The following SLC25A17 variants were observed in gnomAD, a reference collection of about 807,000 sequenced individuals.
The protein encoded by SLC25A17 is peroxisomal membrane protein PMP34.
In SLC25A17, 26 loss-of-function variants were observed where a neutral mutation model predicts 38.5. The observed-to-expected ratio is 0.68, with a 90% CI of 0.50 to 0.94. The LOEUF is 0.94. SLC25A17 is among the 40% of genes least tolerant of loss of function. The probability of loss-of-function intolerance (pLI) is 0.00; values close to 1 mark genes in which losing one functional copy is unlikely to be tolerated. For synonymous variants in SLC25A17, 139 were observed against 136.2 expected, an observed-to-expected ratio of 1.02 and a Z score of -0.14; for missense variants, 333 against 372.7, an observed-to-expected ratio of 0.89 and a Z score of 0.88.
At chr22:40,773,090 T>C (rs1446884155) in intron 8 of SLC25A17, among the ~76,000 whole-genome samples, 2 of 152,106 alleles carry the variant, frequency 1.3e-5, no homozygotes, top group African/African-American at 4.8e-5. Flanking sequence ...GAAATGACAA[T>C]AGTTCTTAAC....
intron 5 of SLC25A17, 49 bp from the exon 6 acceptor site, chr22:40,777,422 A>G (rs2057256228): frequency 1.3e-6 from 2 of 1,563,582 alleles, no homozygotes; most frequent in Non-Finnish European, 8.7e-7. Flanking sequence ...CAATCCCCCA[A>G]CTAGAGAAGA....
At chr22:40,814,349 G>A (rs1207612014) in intron 1 of SLC25A17, among the ~76,000 whole-genome samples, 2 of 152,148 alleles carry the variant, frequency 1.3e-5, no homozygotes, top group Non-Finnish European at 2.9e-5. Flanking sequence ...ATGAAACCAG[G>A]ATACTTGTCT....
chr22:40,812,281 A>G (rs556573134), intron 1 of SLC25A17, among the ~76,000 whole-genome samples: 55 of 152,272 alleles, frequency 3.6e-4, no homozygotes, highest in African/African-American at 1.3e-3. Flanking sequence ...ATTCTGGGCT[A>G]TATCTCTCCT....
chr22:40,774,806 A>C (rs1172212593), intron 7 of SLC25A17, among the ~76,000 whole-genome samples: 1 of 152,248 alleles, frequency 6.6e-6, no homozygotes, highest in Non-Finnish European at 1.5e-5. Context: ...ATAATATATT[A>C]GTAAAAATGC....
intron 7 of SLC25A17, among the ~76,000 whole-genome samples, chr22:40,774,264 C>T (rs955153443): frequency 6.7e-6 from 1 of 150,282 alleles, no homozygotes; most frequent in African/African-American, 2.5e-5. Context: ...CACTCTGTCA[C>T]CCAGGCTGGA....
intron 1 of SLC25A17, among the ~76,000 whole-genome samples, chr22:40,800,186 G>GA (rs1038373163): frequency 2.0e-5 from 3 of 151,480 alleles, no homozygotes; most frequent in African/African-American, 4.9e-5. Context: ...AATTATCAAT[G>GA]AAAAAAAACA....
rs752841323 is a variant in SLC25A17 at position 40,774,030 on chromosome 22, A to T, written c.694-11T>A. On this transcript the variant is annotated splice_polypyrimidine_tract_variant and intron_variant, in intron 7 of 8. Transcript: ENST00000435456. ...TCTATGACGCCCAAACTGAGGAAAG[A>T]GGGAAAAAAAACAAAAGTACTGTTG... 8.2e-6 allele frequency: 13 copies of T among 1,594,050 alleles called. No individual in the cohort carries two copies. Among genetic ancestry groups the T allele is most frequent in the Non-Finnish European group, 3.4e-6 (4 of 1,162,586 alleles).
intron 1 of SLC25A17, among the ~76,000 whole-genome samples, chr22:40,808,858 A>G (rs79619619): frequency 1.3e-5 from 2 of 152,218 alleles, no homozygotes; most frequent in Non-Finnish European, 2.9e-5. Context: ...AAATAATAAA[A>G]TGCTATTTGC....
Position 40,770,322 on chromosome 22 carries a change from A to C in SLC25A17, c.*512T>G, listed in dbSNP as rs1468018626. ...AAAAGACACCTCTCCTTAAGCAGGG[A>C]AAAAAAAGCCCAACAAAAATAAAGT... On this transcript the variant is annotated 3_prime_UTR_variant, in exon 9 of 9. Coordinates refer to ENST00000435456, the MANE Select transcript of SLC25A17 (RefSeq NM_006358.4). 7 of 152,040 alleles carry C rather than the reference A, an allele frequency of 4.6e-5. No homozygotes were observed. Among genetic ancestry groups the C allele is most frequent in the Non-Finnish European group, 1.0e-4 (7 of 67,990 alleles). The allele number at this position is 152,040 out of a possible 1,614,324, so 9.4% of individuals were successfully genotyped here. A position where few individuals can be genotyped will look rare whatever the true frequency, so the allele number is the denominator to read the frequency against.
chr22:40,818,336 C>T (rs940368943), intron 1 of SLC25A17, among the ~76,000 whole-genome samples: 1 of 152,068 alleles, frequency 6.6e-6, no homozygotes, highest in African/African-American at 2.4e-5. Context: ...TCAAGTGGAA[C>T]CTAGACACCA....
intron 1 of SLC25A17, among the ~76,000 whole-genome samples, chr22:40,799,867 G>T (rs1271041718): frequency 6.6e-6 from 1 of 152,094 alleles, no homozygotes; most frequent in Non-Finnish European, 1.5e-5. Context: ...ACATTTCCCT[G>T]CATATGACAA....
rs895985542 is a variant in SLC25A17, at chr22:40,775,989, C to T, written c.693+1051G>A. Among the ~76,000 whole-genome samples the T allele has an allele frequency of 6.6e-5, 10 of 152,196 alleles. No homozygotes were observed. The East Asian group carries it at 1.3e-3, about 21-fold the overall frequency. On this transcript the variant is annotated intron_variant, in intron 7 of 8. Transcript: ENST00000435456. The stretch of plus-strand genomic sequence containing the variant: ...GACTAACACACACATCATGCTCCCC[C>T]TGCCTGGAATGCACTTTCGTCCACT...
At chr22:40,793,679 C>T (rs1256977569) in intron 3 of SLC25A17, among the ~76,000 whole-genome samples, 1 of 151,566 alleles carries the variant, frequency 6.6e-6, no homozygotes, top group Non-Finnish European at 1.5e-5. Context: ...ATGGCGCGAT[C>T]TCGGCTCACC....
rs2057254111 is a variant in SLC25A17, at chr22:40,777,291, A to C, written c.534T>G (p.Asn178Lys). The C allele has an allele frequency of 6.2e-7, 1 of 1,614,196 alleles. No homozygotes were observed. Among genetic ancestry groups the C allele is most frequent in the African/African-American group, 1.3e-5 (1 of 75,054 alleles). ...CATAAAACATGAACTGGATGGCAGG[A>C]TTGAAGACCAACAGCAATGAGGGAA... ...GTFPSLLLVF[N>K]PAIQFMFYEG... The change falls in exon 6 of 9, where the codon AAT becomes AAG. Residue 178 changes from asparagine to lysine, a missense_variant. Asn to Lys is a moderately conservative substitution (Grantham distance 94). Coordinates refer to ENST00000435456, the MANE Select transcript of SLC25A17 (RefSeq NM_006358.4).
At chr22:40,799,118 A>G (rs1347553132) in intron 1 of SLC25A17, 35 bp from the exon 2 acceptor site, 1 of 1,572,532 alleles carries the variant, frequency 6.4e-7, no homozygotes, top group Non-Finnish European at 8.7e-7. Flanking sequence ...ACAGCATCAC[A>G]AACATAGTTT....
intron 5 of SLC25A17, among the ~76,000 whole-genome samples, chr22:40,777,826 G>T (rs572885470): frequency 3.8e-4 from 57 of 151,990 alleles, no homozygotes; most frequent in South Asian, 1.7e-3. Context: ...TGATAGTTTG[G>T]GGTCAAGTTT....
chr22:40,794,973 A>C (rs1427747586), intron 2 of SLC25A17, among the ~76,000 whole-genome samples: 3 of 151,368 alleles, frequency 2.0e-5, no homozygotes, highest in Admixed American at 6.6e-5. Flanking sequence ...GGCTGGTCTC[A>C]AACTTGTGGG....
At chr22:40,801,344 C>A (rs1344216039) in intron 1 of SLC25A17, among the ~76,000 whole-genome samples, 2 of 151,574 alleles carry the variant, frequency 1.3e-5, no homozygotes, top group Non-Finnish European at 2.9e-5. Context: ...TTGTTCAGTC[C>A]TCTAGGGTGC....
At chr22:40,781,294 G>C (rs6002131) in intron 4 of SLC25A17, among the ~76,000 whole-genome samples, 1 of 150,256 alleles carries the variant, frequency 6.7e-6, no homozygotes, top group Non-Finnish European at 1.5e-5. Context: ...CGCCCAGGCC[G>C]GAGTGCAGTG....
Sources: gnomAD v4.1 joint callset for allele counts (sites outside exome capture counted in the v4.1 genomes callset) on GRCh38, gnomAD v4.1.1 for gene constraint, MANE v1.5 for transcripts, NCBI Gene and HGNC (gene_info 2026-07-23, HGNC 2026-07-21) for gene names.